RGS7: variants seen among roughly 807,000 people sequenced by gnomAD.
The protein encoded by RGS7 is regulator of G protein signaling 7, also known as regulator of G-protein signaling 7.
RGS7 carries 27 observed loss-of-function variants against 81.1 expected under a neutral mutation model. The ratio of observed to expected loss-of-function variants is 0.33; its 90% confidence interval spans 0.25 to 0.46. The LOEUF is 0.46. RGS7 is among the 20% of genes least tolerant of loss of function. The probability of loss-of-function intolerance (pLI) is 1.00; values close to 1 mark genes in which losing one functional copy is unlikely to be tolerated. For synonymous variants in RGS7, 208 were observed against 207.7 expected, an observed-to-expected ratio of 1.00 and a Z score of -0.01; for missense variants, 396 against 607.4, an observed-to-expected ratio of 0.65 and a Z score of 3.66.
intron 2 of RGS7, among the ~76,000 whole-genome samples, chr1:241,134,041 T>C (rs978405307): frequency 6.6e-6 from 1 of 152,172 alleles, no homozygotes; most frequent in African/African-American, 2.4e-5. Context: ...AAAATGTCTA[T>C]CCTGGATCTA....
chr1:241,203,576 T>C (rs1289463003), intron 2 of RGS7, among the ~76,000 whole-genome samples: 1 of 152,150 alleles, frequency 6.6e-6, no homozygotes, highest in Non-Finnish European at 1.5e-5. Flanking sequence ...TTCTGTTGAT[T>C]CTGTGAGCAC....
intron 2 of RGS7, among the ~76,000 whole-genome samples, chr1:241,300,856 T>C (rs550105473): frequency 6.6e-6 from 1 of 152,230 alleles, no homozygotes; most frequent in Non-Finnish European, 1.5e-5. Context: ...AAAGTGGCTG[T>C]ACCATTTTGC....
intron 9 of RGS7, among the ~76,000 whole-genome samples, chr1:240,860,674 C>A (rs767525895): frequency 6.6e-6 from 1 of 152,066 alleles, no homozygotes; most frequent in African/African-American, 2.4e-5. Context: ...GGACTACAGG[C>A]AAGATAGAAG....
At chr1:241,301,730 TAC>T (rs773696537) in intron 2 of RGS7, among the ~76,000 whole-genome samples, 12 of 152,358 alleles carry the variant, frequency 7.9e-5, no homozygotes, top group Non-Finnish European at 1.6e-4. Context: ...AATTTTAAGA[TAC>T]TTACAATAGT....
intron 18 of RGS7, among the ~76,000 whole-genome samples, chr1:240,780,006 A>C (rs1330593765): frequency 6.6e-6 from 1 of 152,232 alleles, no homozygotes; most frequent in Non-Finnish European, 1.5e-5. Context: ...GCAATAAGCT[A>C]ATCAAATGAT....
chr1:240,971,573 G>A (rs1683214109), intron 4 of RGS7, among the ~76,000 whole-genome samples: 2 of 152,164 alleles, frequency 1.3e-5, no homozygotes, highest in Admixed American at 6.5e-5. Flanking sequence ...CCAAAGATAT[G>A]AGGACTTTGT....
At chr1:241,292,174 G>T (rs1353880267) in intron 2 of RGS7, among the ~76,000 whole-genome samples, 1 of 152,104 alleles carries the variant, frequency 6.6e-6, no homozygotes, top group African/African-American at 2.4e-5. Flanking sequence ...ACCTCCTGAA[G>T]GACCTTCCTG....
At chr1:240,899,959 A>G (rs968496019) in intron 6 of RGS7, among the ~76,000 whole-genome samples, 3 of 152,170 alleles carry the variant, frequency 2.0e-5, no homozygotes, top group Non-Finnish European at 2.9e-5. Context: ...ACATAGTTCC[A>G]TATTTCTTGA....
At chr1:241,000,868 G>A (rs1324628465) in intron 3 of RGS7, among the ~76,000 whole-genome samples, 1 of 149,296 alleles carries the variant, frequency 6.7e-6, no homozygotes, top group Non-Finnish European at 1.5e-5. Flanking sequence ...TGTTGGCCAG[G>A]CTGGTCTCGA....
chr1:241,102,052 GA>G (rs1178648915), intron 2 of RGS7, among the ~76,000 whole-genome samples: 1 of 152,032 alleles, frequency 6.6e-6, no homozygotes, highest in African/African-American at 2.4e-5. Flanking sequence ...TTCCACAAGA[GA>G]AAAAAATTTT....
At position 241,074,670 on chromosome 1, in the gene RGS7, G is replaced by A. The variant is rs139088166; in HGVS notation, c.175+23996C>T. Reference sequence around the variant, plus strand: ...AGTACTGGCCACAAGTCTCTGACTTGCCAAACCTGAGTCACATTCCTCCTC... The same window carrying A: ...AGTACTGGCCACAAGTCTCTGACTTACCAAACCTGAGTCACATTCCTCCTC... On this transcript the variant is annotated intron_variant, in intron 3 of 18. Coordinates refer to ENST00000440928, the MANE Select transcript of RGS7 (RefSeq NM_001364886.1). 2.0e-4 allele frequency among the ~76,000 whole-genome samples: 30 copies of A among 152,286 alleles called. No homozygotes were observed. In the East Asian group the frequency reaches 3.5e-3, roughly 18 times the overall value.
At chr1:240,816,028 T>A (rs1473066127) in intron 11 of RGS7, among the ~76,000 whole-genome samples, 1 of 152,194 alleles carries the variant, frequency 6.6e-6, no homozygotes, top group African/African-American at 2.4e-5. Flanking sequence ...GATGATGGAG[T>A]CACTTACAAA....
chr1:240,893,427 T>G (rs1668570423), intron 6 of RGS7, among the ~76,000 whole-genome samples: 1 of 152,202 alleles, frequency 6.6e-6, no homozygotes, highest in East Asian at 1.9e-4. Context: ...TTTCTTTCTC[T>G]TCCCTGATTC....
chr1:241,062,677 C>A (rs796758685), intron 3 of RGS7, among the ~76,000 whole-genome samples: 1 of 152,108 alleles, frequency 6.6e-6, no homozygotes, highest in Non-Finnish European at 1.5e-5. Flanking sequence ...ATGCAATACC[C>A]CTTTTTTTCC....
intron 2 of RGS7, among the ~76,000 whole-genome samples, chr1:241,173,341 G>A (rs2070869948): frequency 6.6e-6 from 1 of 152,172 alleles, no homozygotes; most frequent in African/African-American, 2.4e-5. Flanking sequence ...TCAGGTCATG[G>A]AGTTGTTATA....
At chr1:241,257,696 A>C (rs2077117533) in intron 2 of RGS7, among the ~76,000 whole-genome samples, 1 of 151,932 alleles carries the variant, frequency 6.6e-6, no homozygotes, top group Non-Finnish European at 1.5e-5. Context: ...CTCTTTTCTC[A>C]CCTCTCATTC....
At chr1:241,260,058 C>A (rs980683641) in intron 2 of RGS7, among the ~76,000 whole-genome samples, 1 of 152,156 alleles carries the variant, frequency 6.6e-6, no homozygotes. Flanking sequence ...TGTCTGCCAT[C>A]CATATGGAAT....
chr1:240,865,269 T>G (rs1402652774), intron 9 of RGS7, among the ~76,000 whole-genome samples: 1 of 152,210 alleles, frequency 6.6e-6, no homozygotes, highest in African/African-American at 2.4e-5. Context: ...CCCTATTCCC[T>G]TTTTTACTGG....
intron 4 of RGS7, among the ~76,000 whole-genome samples, chr1:240,949,829 C>G (rs1245951664): frequency 1.0e-5 from 1 of 96,950 alleles, no homozygotes; most frequent in East Asian, 3.2e-4. Flanking sequence ...GACTGGGTGA[C>G]AGAACAAGAC....
Sources: allele counts gnomAD v4.1 joint callset (sites outside exome capture counted in the v4.1 genomes callset), GRCh38; gene constraint gnomAD v4.1.1; transcripts MANE v1.5; gene names NCBI Gene and HGNC (gene_info 2026-07-23, HGNC 2026-07-21).